NTM: variants seen among roughly 807,000 people sequenced by gnomAD.
NTM encodes neurotrimin.
A neutral mutation model predicts 42.1 loss-of-function variants in NTM; 13 were observed. The observed-to-expected ratio is 0.31, with a 90% CI of 0.20 to 0.49. The LOEUF is 0.49. Ranked by LOEUF, NTM falls within the 20% of genes least tolerant of loss-of-function variation. NTM has a pLI of 0.99. For missense variants in NTM, 373 were observed against 452.8 expected, an observed-to-expected ratio of 0.82 and a Z score of 1.60; for synonymous variants, 187 against 179.2, an observed-to-expected ratio of 1.04 and a Z score of -0.35.
chr11:131,994,402 C>G (rs2067607893), intron 2 of NTM, among the ~76,000 whole-genome samples: 1 of 152,096 alleles, frequency 6.6e-6, no homozygotes, highest in South Asian at 2.1e-4. Context: ...TGATGGAAGT[C>G]TAAACAATAT....
intron 2 of NTM, among the ~76,000 whole-genome samples, chr11:132,004,607 C>CTG (rs1383334442): frequency 3.3e-3 from 64 of 19,178 alleles, no homozygotes; most frequent in African/African-American, 6.1e-3. Context: ...TTCTCTCTTT[C>CTG]TCTCTCTCTC....
intron 1 of NTM, among the ~76,000 whole-genome samples, chr11:131,764,906 G>A (rs992204831): frequency 2.6e-5 from 4 of 152,160 alleles, no homozygotes; most frequent in African/African-American, 9.7e-5. Flanking sequence ...TGCTGGACAA[G>A]TCACACACAT....
At chr11:132,100,021 C>A (rs1250314230) in intron 2 of NTM, among the ~76,000 whole-genome samples, 1 of 152,174 alleles carries the variant, frequency 6.6e-6, no homozygotes, top group African/African-American at 2.4e-5. Flanking sequence ...CTTTGAGACA[C>A]TGGACTAAAA....
At chr11:131,645,212 G>A (rs1368052476) in intron 1 of NTM, among the ~76,000 whole-genome samples, 2 of 152,190 alleles carry the variant, frequency 1.3e-5, no homozygotes, top group Non-Finnish European at 2.9e-5. Flanking sequence ...ACCCCAAGGT[G>A]ATAAGAAAGC....
At chr11:131,925,383 CTTTT>C (rs61493262) in intron 2 of NTM, among the ~76,000 whole-genome samples, 1,272 of 111,416 alleles carry the variant, frequency 0.011, 13 homozygotes, top group Non-Finnish European at 0.015. Context: ...TTTCTTTTCT[CTTTT>C]TTTTTTTTTT....
intron 2 of NTM, among the ~76,000 whole-genome samples, chr11:131,991,471 A>G (rs999808979): frequency 6.6e-6 from 1 of 152,174 alleles, no homozygotes; most frequent in Non-Finnish European, 1.5e-5. Flanking sequence ...AGGACATTCT[A>G]TGTGTCCAAC....
chr11:131,738,046 C>CT (rs1225646540), intron 1 of NTM, among the ~76,000 whole-genome samples: 10 of 152,294 alleles, frequency 6.6e-5, no homozygotes, highest in African/African-American at 2.4e-4. Flanking sequence ...TTTTCAGTGG[C>CT]TTTTTTCCCT....
At chr11:131,583,165 C>G (rs771790321) in intron 1 of NTM, among the ~76,000 whole-genome samples, 1 of 152,108 alleles carries the variant, frequency 6.6e-6, no homozygotes, top group Non-Finnish European at 1.5e-5. Flanking sequence ...AGATTATGTT[C>G]CATGTTCTTC....
At chr11:131,579,988 G>T (rs2058260587) in intron 1 of NTM, among the ~76,000 whole-genome samples, 1 of 152,206 alleles carries the variant, frequency 6.6e-6, no homozygotes, top group Non-Finnish European at 1.5e-5. Context: ...TTCCTGGGAA[G>T]CAAGCTGTAG....
chr11:131,996,831 C>A (rs2068131654), intron 2 of NTM, among the ~76,000 whole-genome samples: 1 of 152,134 alleles, frequency 6.6e-6, no homozygotes, highest in South Asian at 2.1e-4. Flanking sequence ...TCTGCCAGGA[C>A]TCTCCCCAGC....
At chr11:131,455,696 A>G (rs1039015719) in intron 1 of NTM, among the ~76,000 whole-genome samples, 1 of 152,206 alleles carries the variant, frequency 6.6e-6, no homozygotes, top group Admixed American at 6.5e-5. Flanking sequence ...GATGTGATCC[A>G]ACAGGTCTAA....
chr11:131,913,081 C>T (rs979371745), intron 2 of NTM, among the ~76,000 whole-genome samples: 14 of 152,182 alleles, frequency 9.2e-5, no homozygotes, highest in African/African-American at 3.1e-4. Flanking sequence ...CAACTTCCTT[C>T]CCCCACTCAG....
At chr11:131,625,395 T>A (rs1043331840) in intron 1 of NTM, among the ~76,000 whole-genome samples, 15 of 151,970 alleles carry the variant, frequency 9.9e-5, no homozygotes, top group Non-Finnish European at 4.4e-5. Context: ...TCAGAGTTAA[T>A]CAAATCCACA....
intron 1 of NTM, among the ~76,000 whole-genome samples, chr11:131,651,861 G>GA (rs200186786): frequency 7.9e-4 from 33 of 41,934 alleles, no homozygotes; most frequent in East Asian, 2.1e-3. Context: ...CCCAAAAAAA[G>GA]AAAAAAAAAA....
chr11:132,294,116 C>A (rs1051649343), intron 4 of NTM, among the ~76,000 whole-genome samples: 1 of 152,190 alleles, frequency 6.6e-6, no homozygotes, highest in African/African-American at 2.4e-5. Context: ...CCGAAGGTGT[C>A]ACTATGACTT....
At chr11:132,326,523 C>T (rs887468425) in intron 7 of NTM, among the ~76,000 whole-genome samples, 1 of 152,224 alleles carries the variant, frequency 6.6e-6, no homozygotes, top group Admixed American at 6.5e-5. Flanking sequence ...CTGGGCTGCT[C>T]ACTTCTCTCC....
At chr11:132,305,341 G>T (rs543898344) in intron 4 of NTM, among the ~76,000 whole-genome samples, 97 of 152,348 alleles carry the variant, frequency 6.4e-4, no homozygotes, top group African/African-American at 2.3e-3. Flanking sequence ...CTTCACAGGA[G>T]ACCTGAGGTC....
At chr11:131,400,087 G>T (rs59037764) in intron 1 of NTM, among the ~76,000 whole-genome samples, 50,960 of 151,760 alleles carry the variant, frequency 0.34, 9,232 homozygotes, top group African/African-American at 0.47. Flanking sequence ...TAATGAAAGA[G>T]AGATGGATAT....
At chr11:131,629,098 A>C (rs375178610) in intron 1 of NTM, among the ~76,000 whole-genome samples, 5 of 152,348 alleles carry the variant, frequency 3.3e-5, no homozygotes, top group African/African-American at 1.2e-4. Context: ...GAGATTTGGG[A>C]CAGTGCCCTT....
Sources: allele counts gnomAD v4.1 joint callset (sites outside exome capture counted in the v4.1 genomes callset), GRCh38; gene constraint gnomAD v4.1.1; transcripts MANE v1.5; gene names NCBI Gene and HGNC (gene_info 2026-07-23, HGNC 2026-07-21).